TAFA2: variants seen among roughly 807,000 people sequenced by gnomAD.
The protein encoded by TAFA2 is chemokine-like protein TAFA-2.
TAFA2 carries 7 observed loss-of-function variants against 18.8 expected under a neutral mutation model. That is an observed-to-expected ratio of 0.37 (90% CI 0.21 to 0.70). The LOEUF (loss-of-function observed/expected upper bound fraction) is 0.70, where lower values mean the gene tolerates loss of function less well. TAFA2 is among the 30% of genes least tolerant of loss of function. The pLI is 0.53. For missense variants in TAFA2, 122 were observed against 158.1 expected (o/e 0.77, Z 1.23); for synonymous variants, 60 against 54.2 (o/e 1.11, Z -0.47).
intron 1 of TAFA2, among the ~76,000 whole-genome samples, chr12:62,198,583 T>G (rs2062658474): frequency 6.6e-6 from 1 of 150,638 alleles, no homozygotes; most frequent in Non-Finnish European, 1.5e-5. Flanking sequence ...TACAAGCCAT[T>G]CATCCCCACT....
upstream of TAFA2, among the ~76,000 whole-genome samples, chr12:62,193,097 G>T (rs745425158): frequency 6.6e-6 from 1 of 152,118 alleles, no homozygotes; most frequent in Non-Finnish European, 1.5e-5. Flanking sequence ...GGTCAAATTG[G>T]GTGTCGGTTT....
At chr12:62,013,727 C>G (rs1880841001) in intron 1 of TAFA2, among the ~76,000 whole-genome samples, 1 of 152,208 alleles carries the variant, frequency 6.6e-6, no homozygotes, top group Non-Finnish European at 1.5e-5. Flanking sequence ...CACTCAACTA[C>G]TGAGGCTTCA....
At chr12:62,054,627 G>C (rs949833834) in intron 1 of TAFA2, among the ~76,000 whole-genome samples, 2 of 152,208 alleles carry the variant, frequency 1.3e-5, no homozygotes, top group Non-Finnish European at 2.9e-5. Flanking sequence ...AAATGGATCA[G>C]TTCATACTTA....
At chr12:61,925,218 G>A (rs904940269) in intron 1 of TAFA2, among the ~76,000 whole-genome samples, 4 of 152,104 alleles carry the variant, frequency 2.6e-5, no homozygotes, top group African/African-American at 9.7e-5. Context: ...CTTGAACTCA[G>A]CTCTGGACCA....
chr12:61,770,423 G>C (rs1869976862), intron 2 of TAFA2, among the ~76,000 whole-genome samples: 1 of 152,048 alleles, frequency 6.6e-6, no homozygotes, highest in African/African-American at 2.4e-5. Context: ...TCACCACCTA[G>C]TTACATAGTC....
intron 1 of TAFA2, among the ~76,000 whole-genome samples, chr12:62,089,547 T>C (rs1868618931): frequency 6.6e-6 from 1 of 151,918 alleles, no homozygotes; most frequent in South Asian, 2.1e-4. Context: ...AATTCAGCTC[T>C]AACATAAAGA....
chr12:61,973,588 A>C (rs553644897), intron 1 of TAFA2, among the ~76,000 whole-genome samples: 1 of 151,788 alleles, frequency 6.6e-6, no homozygotes, highest in Admixed American at 6.6e-5. Flanking sequence ...GAACAATTAT[A>C]TCTCAATCCC....
intron 1 of TAFA2, among the ~76,000 whole-genome samples, chr12:61,916,218 A>T (rs1480933603): frequency 2.0e-5 from 3 of 152,232 alleles, no homozygotes; most frequent in Non-Finnish European, 4.4e-5. Flanking sequence ...ATATGTAATA[A>T]GAGCTAAGAA....
At chr12:62,022,762 A>T (rs760330501) in intron 1 of TAFA2, among the ~76,000 whole-genome samples, 1 of 152,206 alleles carries the variant, frequency 6.6e-6, no homozygotes, top group South Asian at 2.1e-4. Flanking sequence ...AGCAAGACAG[A>T]TAGTTACATA....
intron 4 of TAFA2, among the ~76,000 whole-genome samples, chr12:61,724,576 C>T (rs771330240): frequency 2.0e-5 from 3 of 152,160 alleles, no homozygotes; most frequent in Non-Finnish European, 2.9e-5. Context: ...TTTATTGTAT[C>T]ATTCCTATGC....
At chr12:62,087,799 A>C (rs185104452) in intron 1 of TAFA2, among the ~76,000 whole-genome samples, 1 of 152,256 alleles carries the variant, frequency 6.6e-6, no homozygotes, top group Admixed American at 6.5e-5. Context: ...CAAGAGTTGA[A>C]GCAGATCCAT....
intron 1 of TAFA2, among the ~76,000 whole-genome samples, chr12:62,071,813 G>T (rs1457705510): frequency 6.6e-6 from 1 of 152,174 alleles, no homozygotes; most frequent in Non-Finnish European, 1.5e-5. Flanking sequence ...CTGGGTGGAT[G>T]ATAGTGTCAT....
At chr12:61,974,139 C>T (rs1879350276) in intron 1 of TAFA2, among the ~76,000 whole-genome samples, 1 of 151,574 alleles carries the variant, frequency 6.6e-6, no homozygotes, top group South Asian at 2.1e-4. Context: ...AGAAATATAA[C>T]CTGTTGTCAT....
chr12:61,949,518 A>G (rs1251796696), intron 1 of TAFA2, among the ~76,000 whole-genome samples: 1 of 152,074 alleles, frequency 6.6e-6, no homozygotes, highest in Non-Finnish European at 1.5e-5. Flanking sequence ...AAATAAATAA[A>G]TGTCATACAG....
At chr12:62,005,810 C>T (rs1274516298) in intron 1 of TAFA2, among the ~76,000 whole-genome samples, 3 of 152,040 alleles carry the variant, frequency 2.0e-5, no homozygotes, top group African/African-American at 7.2e-5. Context: ...CCCTAAGTTG[C>T]ACAAATAGTA....
chr12:61,794,720 T>C (rs1279633373), intron 2 of TAFA2, among the ~76,000 whole-genome samples: 4 of 151,764 alleles, frequency 2.6e-5, no homozygotes, highest in Non-Finnish European at 4.4e-5. Context: ...CCCCCAAAAA[T>C]TGACAAATGG....
chr12:62,044,325 A>G (rs980952275), intron 1 of TAFA2, among the ~76,000 whole-genome samples: 2 of 152,110 alleles, frequency 1.3e-5, no homozygotes, highest in Non-Finnish European at 2.9e-5. Flanking sequence ...TATTTATACT[A>G]CTTAGAGTAA....
chr12:61,755,749 C>G (rs1476569387), intron 2 of TAFA2, among the ~76,000 whole-genome samples: 1 of 152,054 alleles, frequency 6.6e-6, no homozygotes, highest in Admixed American at 6.6e-5. Context: ...TTCATTTTGT[C>G]AACCTTGAAT....
intron 1 of TAFA2, among the ~76,000 whole-genome samples, chr12:62,045,230 C>A (rs1881878880): frequency 6.6e-6 from 1 of 152,126 alleles, no homozygotes; most frequent in Non-Finnish European, 1.5e-5. Context: ...TCCAGTTGCC[C>A]TGTTCATTTC....
Sources: allele counts gnomAD v4.1 joint callset (sites outside exome capture counted in the v4.1 genomes callset), GRCh38; gene constraint gnomAD v4.1.1; transcripts MANE v1.5; gene names NCBI Gene and HGNC (gene_info 2026-07-23, HGNC 2026-07-21).